DNM1: variants seen among roughly 807,000 people sequenced by gnomAD.
DNM1 encodes the protein dynamin-1.
In DNM1, 29 loss-of-function variants were observed where a neutral mutation model predicts 104.6. The ratio of observed to expected loss-of-function variants is 0.28; its 90% CI spans 0.21 to 0.38. The LOEUF (loss-of-function observed/expected upper bound fraction) is 0.38. Among genes scored for constraint, DNM1 ranks in the 10% least tolerant of loss-of-function variants. DNM1 has a pLI of 1.00. For synonymous variants in DNM1, 445 were observed against 475.8 expected (o/e 0.94, Z 0.84); for missense variants, 640 against 1,189.4 (o/e 0.54, Z 6.79).
At chr9:128,211,513 T>A (rs1834300406) in intron 1 of DNM1, among the ~76,000 whole-genome samples, 1 of 141,620 alleles carries the variant, frequency 7.1e-6, no homozygotes, top group Non-Finnish European at 1.5e-5. Flanking sequence ...ACAGACAGGG[T>A]CTTGTTATGT....
chr9:128,242,756 T>C (rs1195219043), intron 15 of DNM1, among the ~76,000 whole-genome samples: 2 of 151,448 alleles, frequency 1.3e-5, no homozygotes, highest in Non-Finnish European at 2.9e-5. Flanking sequence ...TGAGACTCCA[T>C]CTCAAAAAAA....
chr9:128,220,166 TG>T lies in DNM1; in HGVS notation c.689-14del. On this transcript the variant is annotated splice_polypyrimidine_tract_variant and intron_variant, in intron 5 of 21. Coordinates refer to ENST00000372923, the MANE Select transcript of DNM1 (RefSeq NM_004408.4). The surrounding 1 kb of genome is among the most constrained non-coding windows in gnomAD (Gnocchi z 5.2). ...CTCTTGAGGCTGGTTGCCCTGACCT[TG>T]ATACTGTTCACAGGCTACATTGGAG... 6.2e-7 allele frequency: 1 copy of T among 1,614,118 alleles called. No homozygotes were observed.
Position 128,220,426 on chromosome 9 carries a change from G to C in DNM1, c.849+85G>C. Reference sequence around the variant, plus strand: ...GTGTGTTCTGAGAGTGAACAGCAGAGGTTAGCCTCTCCGTAGTGCAGATAG... The same window carrying C: ...GTGTGTTCTGAGAGTGAACAGCAGACGTTAGCCTCTCCGTAGTGCAGATAG... On this transcript the variant is annotated intron_variant, in intron 6 of 21. Transcript: ENST00000372923. The surrounding 1 kb of genome is among the most constrained non-coding windows in gnomAD (Gnocchi z 5.2). 1 of 1,535,912 alleles carries C rather than the reference G, an allele frequency of 6.5e-7. No homozygotes were observed.
chr9:128,246,353 C>G (rs781227351), intron 15 of DNM1, 41 bp from the exon 16 acceptor site: 1 of 1,380,910 alleles, frequency 7.2e-7, no homozygotes, highest in South Asian at 1.2e-5. Context: ...TGGCAGAGAA[C>G]AGTGCCAACC....
In DNM1 at chr9:128,248,859, A is replaced by G. The variant is rs1472250286; in HGVS notation, c.2076+106A>G. On this transcript the variant is annotated intron_variant, in intron 19 of 21. Coordinates refer to ENST00000372923, the MANE Select transcript of DNM1 (RefSeq NM_004408.4). This position sits in a 1 kb window ranked among gnomAD's most constrained non-coding sequence, Gnocchi z 5.6. ...CAACCAGCCCTATGGGACCAGGTCC[A>G]GGGAGGGAGGCACGGTCCAGACCAG... 19 of 1,272,894 alleles carry G rather than the reference A, an allele frequency of 1.5e-5. No homozygotes were observed. Among genetic ancestry groups the G allele is most frequent in the Non-Finnish European group, 1.9e-5 (17 of 893,332 alleles). 78.8% of individuals were successfully genotyped at this position (1,272,894 alleles called of 1,614,324 possible).
At chr9:128,244,658 G>T (rs564511926) in intron 15 of DNM1, 3 of 468,276 alleles carry the variant, frequency 6.4e-6, no homozygotes, top group Non-Finnish European at 1.4e-5. Context: ...CAACCCCCTG[G>T]CTCCAGGCTC....
Position 128,203,937 on chromosome 9 carries a change from C to T in DNM1, c.161+306C>T, listed in dbSNP as rs953178364. On this transcript the variant is annotated intron_variant, in intron 1 of 21. Coordinates refer to ENST00000372923, the MANE Select transcript of DNM1 (RefSeq NM_004408.4). This position sits in a 1 kb window ranked among gnomAD's most constrained non-coding sequence, Gnocchi z 5.3. ...AAGCCCCGGGCAAAGAGCTGCCCCC[C>T]GCCCCCAACATGGGCATGGAGAGAG... 7 of 191,632 alleles carry T rather than the reference C, an allele frequency of 3.7e-5. No homozygotes were observed. The highest frequency in any genetic ancestry group is 1.6e-4 in the African/African-American group (7 of 42,686). 11.9% of individuals were successfully genotyped at this position (191,632 alleles called of 1,614,324 possible). A position where few individuals can be genotyped will look rare whatever the true frequency, so the allele number is the denominator to read the frequency against.
chr9:128,225,453 C>T (rs1401597548), intron 10 of DNM1, among the ~76,000 whole-genome samples: 1 of 152,204 alleles, frequency 6.6e-6, no homozygotes, highest in Non-Finnish European at 1.5e-5. Flanking sequence ...AATGGACCCC[C>T]CTGGAGTTGT....
chr9:128,239,420 C>A (rs753657866), intron 11 of DNM1, 25 bp from the exon 12 acceptor site: 2 of 1,605,598 alleles, frequency 1.2e-6, no homozygotes, highest in Non-Finnish European at 1.7e-6. Context: ...TTTGCGCTTG[C>A]CCACCAACCT....
intron 11 of DNM1, among the ~76,000 whole-genome samples, chr9:128,236,256 G>A (rs746896017): frequency 7.2e-5 from 11 of 152,156 alleles, no homozygotes; most frequent in East Asian, 5.8e-4. Context: ...CACGGAGCTC[G>A]GAGGCTAGTC....
rs1833651316 is a variant in DNM1 at position 128,203,771 on chromosome 9, G to T, written c.161+140G>T. The T allele has an allele frequency of 1.5e-5, 11 of 728,966 alleles. No homozygotes were observed. The South Asian group carries it at 5.5e-4, about 36-fold the overall frequency. The allele number at this position is 728,966 out of a possible 1,614,324, so 45.2% of individuals were successfully genotyped here. ...GGCGCGCCCCCCACCCCCAGCCGGAGCGAGGAGGCCCTCCCCCCACCACGA... is the reference window on the plus strand; with the variant it reads ...GGCGCGCCCCCCACCCCCAGCCGGATCGAGGAGGCCCTCCCCCCACCACGA... On this transcript the variant is annotated intron_variant, in intron 1 of 21. Coordinates refer to ENST00000372923, the MANE Select transcript of DNM1 (RefSeq NM_004408.4). This position sits in a 1 kb window ranked among gnomAD's most constrained non-coding sequence, Gnocchi z 5.3.
intron 20 of DNM1, 92 bp downstream of exon 20, chr9:128,250,448 C>A: frequency 7.4e-7 from 1 of 1,346,688 alleles, no homozygotes; most frequent in Non-Finnish European, 9.9e-7. Flanking sequence ...CCCGCGTCAC[C>A]GGGGTGGCTC....
At chr9:128,239,576 G>GTGTT in intron 12 of DNM1, 61 bp downstream of exon 12, 1 of 900,356 alleles carries the variant, frequency 1.1e-6, no homozygotes, top group Non-Finnish European at 1.7e-6. Flanking sequence ...ACGTGTGTGT[G>GTGTT]TGTGTGTGTG....
Position 128,222,113 on chromosome 9 carries a change from C to G in DNM1, c.850-84C>G, listed in dbSNP as rs964177691. 1 of 1,513,286 alleles carries G rather than the reference C, an allele frequency of 6.6e-7. No homozygotes were observed. Among genetic ancestry groups the G allele is most frequent in the Non-Finnish European group, 8.9e-7 (1 of 1,121,136 alleles). The allele number at this position is 1,513,286 out of a possible 1,614,324, so 93.7% of individuals were successfully genotyped here. ...CCCTCCATAGCTCTCCACCTCACCA[C>G]GTTCACACAGTCCCCTGGCATCCAA... is the stretch of plus-strand genomic sequence containing the variant. On this transcript the variant is annotated intron_variant, in intron 6 of 21. Coordinates refer to ENST00000372923, the MANE Select transcript of DNM1 (RefSeq NM_004408.4). The surrounding 1 kb of genome is among the most constrained non-coding windows in gnomAD (Gnocchi z 7.8).
At position 128,245,004 on chromosome 9, in the gene DNM1, G is replaced by A. The variant is rs558869242; in HGVS notation, c.1672-1390G>A. 85 of 280,998 alleles carry A rather than the reference G, an allele frequency of 3.0e-4. 3 individuals are homozygous for A. The highest frequency in any genetic ancestry group is 1.1e-3 in the South Asian group (40 of 34,996). The allele number at this position is 280,998 out of a possible 1,614,324, so 17.4% of individuals were successfully genotyped here. On this transcript the variant is annotated intron_variant, in intron 15 of 21. Transcript: ENST00000372923. This position sits in a 1 kb window ranked among gnomAD's most constrained non-coding sequence, Gnocchi z 5.2. ...CTCCTTTGACGTGGCAGGGGTGAGC[G>A]GGAGCTGGGGCTGAGAAGGAGGGGC...
At position 128,250,797 on chromosome 9, in the gene DNM1, C is replaced by T. The variant is rs1057521943; in HGVS notation, c.2391C>T (p.Gly797=). The T allele has an allele frequency of 1.5e-6, 2 of 1,357,512 alleles. No homozygotes were observed. Among genetic ancestry groups the T allele is most frequent in the African/African-American group, 1.5e-5 (1 of 65,338 alleles). 84.1% of individuals were successfully genotyped at this position (1,357,512 alleles called of 1,614,324 possible). Residue 797 remains glycine (G), a synonymous_variant, in exon 21 of 22, where the codon GGC becomes GGT. Transcript: ENST00000372923. The part of the protein sequence containing the change: ...AVPPARPGSR[G]PAPGPPPAGS... ...CCCCAGCCCGGCCCGGGTCGCGGGGCCCTGCTCCTGGGCCTCCGCCTGCTG... is the reference window on the plus strand; with the variant it reads ...CCCCAGCCCGGCCCGGGTCGCGGGGTCCTGCTCCTGGGCCTCCGCCTGCTG...
At position 128,220,742 on chromosome 9, in the gene DNM1, C is replaced by CGCGCGCGTGTGTGTGTGTGT. The variant is rs61020870; in HGVS notation, c.849+402_849+403insCGCGCGTGTGTGTGTGTGTG. ...CAGAACTGAAGTGCGCGCGCGCGCG[C>CGCGCGCGTGTGTGTGTGTGT]GTGTGTGTGTGTGTGTGTGTGTGTG... On this transcript the variant is annotated intron_variant, in intron 6 of 21. Coordinates refer to ENST00000372923, the MANE Select transcript of DNM1 (RefSeq NM_004408.4). The surrounding 1 kb of genome is among the most constrained non-coding windows in gnomAD (Gnocchi z 5.2). Among the ~76,000 whole-genome samples the CGCGCGCGTGTGTGTGTGTGT allele has an allele frequency of 4.2e-4, 57 of 136,356 alleles. 1 individual carries two copies. The highest frequency in any genetic ancestry group is 1.5e-3 in the African/African-American group (57 of 37,804). The allele number at this position is 136,356 out of a possible 152,430, so 89.5% of individuals were successfully genotyped here.
At chr9:128,230,540 A>G (rs925250982) in intron 10 of DNM1, among the ~76,000 whole-genome samples, 2 of 145,056 alleles carry the variant, frequency 1.4e-5, no homozygotes, top group Non-Finnish European at 3.0e-5. Context: ...AACCTCCGCC[A>G]TCCAGGTTCA....
intron 4 of DNM1, 75 bp downstream of exon 4, chr9:128,219,327 C>G (rs932188031): frequency 2.3e-5 from 30 of 1,324,890 alleles, no homozygotes; most frequent in Non-Finnish European, 3.1e-5. Flanking sequence ...AAAGGGGAGC[C>G]TCTGAACGGT....
Sources: allele counts gnomAD v4.1 joint callset (sites outside exome capture counted in the v4.1 genomes callset), GRCh38; gene constraint gnomAD v4.1.1; non-coding constraint Gnocchi (gnomAD v3.1); transcripts MANE v1.5; gene names NCBI Gene and HGNC (gene_info 2026-07-23, HGNC 2026-07-21).